The following FCRL5 variants were observed in gnomAD, a reference collection of about 807,000 sequenced individuals.
FCRL5 encodes the protein Fc receptor-like protein 5.
Under a neutral mutation model 92.1 loss-of-function variants are expected in FCRL5, and 79 were observed. That is an observed-to-expected ratio of 0.86 (90% CI 0.72 to 1.03). FCRL5 has a LOEUF of 1.03. Among genes scored for constraint, FCRL5 ranks in the 50% least tolerant of loss-of-function variants. The probability of loss-of-function intolerance (pLI) is 0.00; values close to 1 mark genes in which losing one functional copy is unlikely to be tolerated. For synonymous variants in FCRL5, 466 were observed against 469.3 expected (o/e 0.99, Z 0.09); for missense variants, 1,160 against 1,181.1 (o/e 0.98, Z 0.26).
intron 2 of FCRL5, among the ~76,000 whole-genome samples, chr1:157,548,529 T>C (rs1651660873): frequency 6.6e-6 from 1 of 152,236 alleles, no homozygotes; most frequent in African/African-American, 2.4e-5. Context: ...TTTTGCAATC[T>C]ACTCATTTGA....
chr1:157,547,625 G>A (rs1651620636), intron 2 of FCRL5, among the ~76,000 whole-genome samples: 1 of 152,168 alleles, frequency 6.6e-6, no homozygotes, highest in Non-Finnish European at 1.5e-5. Flanking sequence ...AGAAAACCTT[G>A]AGAGCTCAAC....
chr1:157,513,663 C>T lies in FCRL5; in HGVS notation c.*2012G>A, dbSNP rs1047609922. The T allele has an allele frequency of 1.3e-5, 2 of 152,194 alleles. No individual in the cohort carries two copies. The highest frequency in any genetic ancestry group is 4.8e-5 in the African/African-American group (2 of 41,440). The allele number at this position is 152,194 out of a possible 1,614,324, so 9.4% of individuals were successfully genotyped here. ...CAACAGACTGGACGGGGTCCACCCA[C>T]ATTAGGGTGGAGTTTGTTCTGCCAC... On this transcript the variant is annotated 3_prime_UTR_variant, in exon 17 of 17. Coordinates refer to ENST00000361835, the MANE Select transcript of FCRL5 (RefSeq NM_031281.3).
intron 15 of FCRL5, 26 bp from the exon 16 acceptor site, chr1:157,515,899 T>C (rs201215724): frequency 6.2e-7 from 1 of 1,612,690 alleles, no homozygotes; most frequent in Non-Finnish European, 8.5e-7. Context: ...AGTGTTCAGT[T>C]GTGGAAGACT....
At chr1:157,544,765 C>A in intron 4 of FCRL5, 66 bp downstream of exon 4, 2 of 1,591,772 alleles carry the variant, frequency 1.3e-6, no homozygotes, top group South Asian at 2.2e-5. Context: ...TCCTCCTGTT[C>A]TATCTCTATG....
At position 157,524,472 on chromosome 1, in the gene FCRL5, G is replaced by A. The variant is rs1460175176; in HGVS notation, c.2046C>T (p.Ala682=). 2.5e-6 allele frequency: 4 copies of A among 1,614,216 alleles called. No homozygotes were observed. In the Admixed American group the frequency reaches 5.0e-5, roughly 20 times the overall value. The change falls in exon 10 of 17, where the codon GCC becomes GCT. Residue 682 remains alanine (A), a synonymous_variant. Transcript: ENST00000361835. ...ACAGGATTGGGGAGGAGCCTCTCAG[G>A]GCCTCACAGTGAAGCTCCAGCAGGT... The part of the protein sequence containing the change: ...VGDLLELHCE[A]LRGSSPILYW...
chr1:157,520,880 A>G, intron 11 of FCRL5, 137 bp downstream of exon 11: 1 of 1,060,464 alleles, frequency 9.4e-7, no homozygotes, highest in Non-Finnish European at 1.3e-6. Context: ...TTCAGGAAAT[A>G]TAGCAGTTTA....
chr1:157,536,652 T>G (rs760794038), intron 7 of FCRL5, among the ~76,000 whole-genome samples: 3 of 152,244 alleles, frequency 2.0e-5, no homozygotes, highest in Non-Finnish European at 4.4e-5. Context: ...TATCTTGTGG[T>G]TCTCCACTGT....
At position 157,518,690 on chromosome 1, in the gene FCRL5, C is replaced by T. The variant is rs1376226458; in HGVS notation, c.2743+10G>A. ...CAGCTTCTGCCAAATGCAGGATCCTCGGGCCTCACCATTAGTGTACACTGG... is the reference window on the plus strand; with the variant it reads ...CAGCTTCTGCCAAATGCAGGATCCTTGGGCCTCACCATTAGTGTACACTGG... On this transcript the variant is annotated intron_variant, in intron 14 of 16. Coordinates refer to ENST00000361835, the MANE Select transcript of FCRL5 (RefSeq NM_031281.3). The T allele has an allele frequency of 8.7e-6, 14 of 1,607,214 alleles. No individual in the cohort carries two copies. Among genetic ancestry groups the T allele is most frequent in the African/African-American group, 1.3e-5 (1 of 74,800 alleles).
intron 13 of FCRL5, 99 bp downstream of exon 13, chr1:157,519,644 C>T (rs1467034591): frequency 5.2e-6 from 7 of 1,350,078 alleles, no homozygotes; most frequent in Middle Eastern, 2.1e-4. Context: ...TCAGCAGCAC[C>T]TGGCAGAAAC....
chr1:157,548,211 A>G (rs1651647358), intron 2 of FCRL5, among the ~76,000 whole-genome samples: 1 of 152,262 alleles, frequency 6.6e-6, no homozygotes, highest in Non-Finnish European at 1.5e-5. Context: ...GGAGGGTCAG[A>G]GGGTGACCAT....
chr1:157,521,453 G>A, intron 10 of FCRL5, 161 bp from the exon 11 acceptor site: 6 of 831,664 alleles, frequency 7.2e-6, no homozygotes, highest in Non-Finnish European at 1.1e-5. Flanking sequence ...ATAGTTTTCA[G>A]TGTACAAAAA....
chr1:157,518,563 C>T, intron 14 of FCRL5, 66 bp from the exon 15 acceptor site: 1 of 1,497,358 alleles, frequency 6.7e-7, no homozygotes, highest in Non-Finnish European at 9.3e-7. Flanking sequence ...ATACTTCCTC[C>T]TCCCCCAGCC....
chr1:157,544,774 T>C, intron 4 of FCRL5, 57 bp downstream of exon 4: 5 of 1,604,826 alleles, frequency 3.1e-6, no homozygotes, highest in South Asian at 2.2e-5. Context: ...TCTATCTCTA[T>C]GACCCCAAGG....
intron 15 of FCRL5, among the ~76,000 whole-genome samples, chr1:157,517,579 G>A (rs144175734): frequency 1.1e-3 from 170 of 152,308 alleles, no homozygotes; most frequent in South Asian, 2.5e-3. Flanking sequence ...CTGGCTTTGG[G>A]AAAGGAAGGG....
rs1468755536 is a variant in FCRL5, at chr1:157,520,540, G to A, written c.2523C>T (p.Thr841=). ...TGGCAAAAGGGCCACTTCTGTTCGC[G>A]GTCAGCCCTGAGGGGGAGACCCTGT... ...ETVTLYITGL[T]ANRSGPFATG... The change falls in exon 12 of 17, where the codon ACC becomes ACT. Residue 841 remains threonine (T), a synonymous_variant. Coordinates refer to ENST00000361835, the MANE Select transcript of FCRL5 (RefSeq NM_031281.3). The A allele has an allele frequency of 1.3e-6, 2 of 1,584,106 alleles. No homozygotes were observed. The highest frequency in any genetic ancestry group is 1.3e-5 in the African/African-American group (1 of 74,334).
chr1:157,527,752 T>A lies in FCRL5; in HGVS notation c.1825A>T (p.Ser609Cys). 3 of 1,614,112 alleles carry A rather than the reference T, an allele frequency of 1.9e-6. No individual in the cohort carries two copies. The highest frequency in any genetic ancestry group is 2.2e-5 in the East Asian group (1 of 44,870). The change falls in exon 9 of 17, where the codon AGC (serine) becomes TGC (cysteine). Residue 609 changes from serine to cysteine, a missense_variant. By Grantham distance (112) the Ser-to-Cys change is moderately radical. Coordinates refer to ENST00000361835, the MANE Select transcript of FCRL5 (RefSeq NM_031281.3). Reference protein sequence around the residue: ...WFYHEDVTLGSSSAPSGGEAS... With the variant: ...WFYHEDVTLGCSSAPSGGEAS... Reference sequence around the variant, plus strand: ...TCTCCTCCAGAGGGGGCTGAGCTGCTCCCCAGGGTGACATCCTCATGATAA... The same window carrying A: ...TCTCCTCCAGAGGGGGCTGAGCTGCACCCCAGGGTGACATCCTCATGATAA...
intron 5 of FCRL5, among the ~76,000 whole-genome samples, chr1:157,543,980 G>GA (rs34387005): frequency 1.3e-4 from 19 of 150,382 alleles, no homozygotes; most frequent in East Asian, 5.8e-4. Context: ...GGGCCTAGAA[G>GA]AAAAAAAAAT....
At chr1:157,532,161 G>C (rs1198149477) in intron 8 of FCRL5, 1 of 152,116 alleles carries the variant, frequency 6.6e-6, no homozygotes, top group Non-Finnish European at 1.5e-5. Flanking sequence ...TGGCGTATGA[G>C]AGTTTCTGTT....
rs753700273 is a variant in FCRL5 at position 157,547,179 on chromosome 1, A to T, written c.71T>A (p.Ile24Asn). ...SGQFARTPRPIIFLQPPWTTV... is the reference protein window; with the variant it reads ...SGQFARTPRPNIFLQPPWTTV... Reference sequence around the variant, plus strand: ...GGTCCATGGAGGCTGGAGGAAAATAATGGGCCTGGGTGTCCTTGCTGAAGA... The same window carrying T: ...GGTCCATGGAGGCTGGAGGAAAATATTGGGCCTGGGTGTCCTTGCTGAAGA... The change falls in exon 3 of 17, where the codon ATT (isoleucine) becomes AAT (asparagine). Residue 24 changes from isoleucine to asparagine, a missense_variant. Transcript: ENST00000361835. 1.9e-6 allele frequency: 3 copies of T among 1,613,878 alleles called. No individual in the cohort carries two copies. Among genetic ancestry groups the T allele is most frequent in the Non-Finnish European group, 2.5e-6 (3 of 1,180,024 alleles).
Sources: gnomAD v4.1 joint callset for allele counts (sites outside exome capture counted in the v4.1 genomes callset) on GRCh38, gnomAD v4.1.1 for gene constraint, MANE v1.5 for transcripts, NCBI Gene and HGNC (gene_info 2026-07-23, HGNC 2026-07-21) for gene names.